Variants in CIDEA observed in about 807,000 individuals in gnomAD.
CIDEA encodes the protein lipid transferase CIDEA.
CIDEA carries 10 observed loss-of-function variants against 18.2 expected under a neutral mutation model. The ratio of observed to expected loss-of-function variants is 0.55; its 90% CI spans 0.34 to 0.93. CIDEA has a LOEUF of 0.93. Among genes scored for constraint, CIDEA ranks in the 40% least tolerant of loss-of-function variants. CIDEA has a pLI of 0.02. For synonymous variants in CIDEA, 128 were observed against 124.8 expected (o/e 1.03, Z -0.17); for missense variants, 309 against 293.1 (o/e 1.05, Z -0.40).
intron 3 of CIDEA, among the ~76,000 whole-genome samples, chr18:12,271,307 C>A (rs1439699428): frequency 2.6e-5 from 4 of 152,174 alleles, no homozygotes; most frequent in African/African-American, 9.7e-5. Context: ...AGGCCGAAGT[C>A]TTCACAAGGG....
chr18:12,276,360 A>C (rs1423825575), intron 4 of CIDEA, among the ~76,000 whole-genome samples: 2 of 151,850 alleles, frequency 1.3e-5, no homozygotes, highest in African/African-American at 2.4e-5. Context: ...TAGCACAATC[A>C]TAGTTCACTG....
intron 1 of CIDEA, among the ~76,000 whole-genome samples, chr18:12,258,355 G>A (rs1049775910): frequency 6.6e-6 from 1 of 152,246 alleles, no homozygotes; most frequent in African/African-American, 2.4e-5. Flanking sequence ...CCAATGAGGA[G>A]ATGCAGGGCC....
Position 12,264,357 on chromosome 18 carries a change from G to A in CIDEA, c.234G>A (p.Glu78=). The A allele has an allele frequency of 6.2e-7, 1 of 1,614,074 alleles. No homozygotes were observed. The highest frequency in any genetic ancestry group is 8.5e-7 in the Non-Finnish European group (1 of 1,179,948). ...IATGLVTLVL[E]EDGTVVDTEE... ...CCGGACTGGTCACTCTGGTGCTGGAGGAAGATGGCACCGTGGTGGACACAG... is the reference window on the plus strand; with the variant it reads ...CCGGACTGGTCACTCTGGTGCTGGAAGAAGATGGCACCGTGGTGGACACAG... Residue 78 remains glutamate, a synonymous_variant, in exon 3 of 5, where the codon GAG becomes GAA. Coordinates refer to ENST00000320477, the MANE Select transcript of CIDEA (RefSeq NM_001279.4).
intron 1 of CIDEA, among the ~76,000 whole-genome samples, chr18:12,256,751 A>G (rs1912046742): frequency 6.6e-6 from 1 of 152,198 alleles, no homozygotes; most frequent in South Asian, 2.1e-4. Context: ...TGACATTAGT[A>G]AGGAATTAAG....
At chr18:12,269,839 C>A (rs1240918962) in intron 3 of CIDEA, among the ~76,000 whole-genome samples, 1 of 152,058 alleles carries the variant, frequency 6.6e-6, no homozygotes, top group East Asian at 1.9e-4. Context: ...TTGGGACTAC[C>A]GGTGCATGTC....
intron 1 of CIDEA, among the ~76,000 whole-genome samples, chr18:12,261,288 G>C (rs1001938652): frequency 1.1e-4 from 16 of 152,280 alleles, no homozygotes; most frequent in Admixed American, 4.6e-4. Context: ...GGAGGCTGAG[G>C]CAGGAGAATT....
chr18:12,277,494 G>A lies in CIDEA; in HGVS notation c.*224G>A, dbSNP rs2144094129. Reference sequence around the variant, plus strand: ...GGCATAGAGGGCCCTGGGGGTCATGGGAAGCGAGCACGCAGCAGGCGTGCC... The same window carrying A: ...GGCATAGAGGGCCCTGGGGGTCATGAGAAGCGAGCACGCAGCAGGCGTGCC... On this transcript the variant is annotated 3_prime_UTR_variant, in exon 5 of 5. Transcript: ENST00000320477. 1 of 552,390 alleles carries A rather than the reference G, an allele frequency of 1.8e-6. No homozygotes were observed. The highest frequency in any genetic ancestry group is 2.2e-5 in the South Asian group (1 of 45,566). 34.2% of individuals were successfully genotyped at this position (552,390 alleles called of 1,614,324 possible).
At chr18:12,270,776 T>C (rs1422950691) in intron 3 of CIDEA, among the ~76,000 whole-genome samples, 8 of 150,316 alleles carry the variant, frequency 5.3e-5, no homozygotes, top group Non-Finnish European at 7.4e-5. Context: ...AGACAAATCA[T>C]TTAAAGCAAA....
At chr18:12,270,199 G>A (rs923565738) in intron 3 of CIDEA, among the ~76,000 whole-genome samples, 3 of 152,166 alleles carry the variant, frequency 2.0e-5, no homozygotes, top group Non-Finnish European at 4.4e-5. Context: ...CTTGAGAGGA[G>A]GGGAGATGTG....
chr18:12,271,498 A>G (rs994642088), intron 3 of CIDEA, among the ~76,000 whole-genome samples: 1 of 151,814 alleles, frequency 6.6e-6, no homozygotes, highest in Non-Finnish European at 1.5e-5. Flanking sequence ...GTGGGACAGC[A>G]TTGGTGTGTG....
intron 3 of CIDEA, among the ~76,000 whole-genome samples, chr18:12,273,501 G>C (rs1389896634): frequency 6.6e-6 from 1 of 152,046 alleles, no homozygotes; most frequent in Non-Finnish European, 1.5e-5. Flanking sequence ...CTCCCACCCA[G>C]GGGGGTCTCC....
chr18:12,259,520 G>C (rs993729040), intron 1 of CIDEA, among the ~76,000 whole-genome samples: 1 of 152,116 alleles, frequency 6.6e-6, no homozygotes, highest in African/African-American at 2.4e-5. Flanking sequence ...CCGTGAAGTG[G>C]GGCAATAGTT....
chr18:12,269,841 G>A (rs1488881607), intron 3 of CIDEA, among the ~76,000 whole-genome samples: 1 of 152,088 alleles, frequency 6.6e-6, no homozygotes, highest in Admixed American at 6.5e-5. Flanking sequence ...GGGACTACCG[G>A]TGCATGTCAC....
chr18:12,266,839 C>T (rs1437352865), intron 3 of CIDEA, among the ~76,000 whole-genome samples: 1 of 151,240 alleles, frequency 6.6e-6, no homozygotes, highest in Admixed American at 6.6e-5. Flanking sequence ...CGGCTCACTG[C>T]AACTTCTGCC....
chr18:12,266,431 A>G (rs1332023057), intron 3 of CIDEA, among the ~76,000 whole-genome samples: 1 of 152,138 alleles, frequency 6.6e-6, no homozygotes, highest in Non-Finnish European at 1.5e-5. Flanking sequence ...CTCCAGCCCC[A>G]GGGACAGAGG....
At chr18:12,267,054 C>A (rs535319254) in intron 3 of CIDEA, among the ~76,000 whole-genome samples, 133 of 152,222 alleles carry the variant, frequency 8.7e-4, no homozygotes, top group South Asian at 1.5e-3. Context: ...CCACCGCACC[C>A]GGCCGATTTT....
At chr18:12,273,900 G>A (rs1170996636) in intron 3 of CIDEA, among the ~76,000 whole-genome samples, 193 bp from the exon 4 acceptor site, 1 of 152,216 alleles carries the variant, frequency 6.6e-6, no homozygotes, top group South Asian at 2.1e-4. Context: ...CAGACGCCTC[G>A]TGGCTAATTG....
intron 1 of CIDEA, chr18:12,254,793 G>A: frequency 7.4e-7 from 1 of 1,352,144 alleles, no homozygotes; most frequent in Non-Finnish European, 9.8e-7. Flanking sequence ...TCCGGTCCCA[G>A]GAACCCCGAG....
chr18:12,272,363 C>A (rs1005348095), intron 3 of CIDEA, among the ~76,000 whole-genome samples: 5 of 152,158 alleles, frequency 3.3e-5, no homozygotes, highest in African/African-American at 1.2e-4. Flanking sequence ...CAGGCGTGCA[C>A]CACCATGCCT....
Sources: allele counts gnomAD v4.1 joint callset (sites outside exome capture counted in the v4.1 genomes callset), GRCh38; gene constraint gnomAD v4.1.1; transcripts MANE v1.5; gene names NCBI Gene and HGNC (gene_info 2026-07-23, HGNC 2026-07-21).